The following MDGA2 variants were observed in gnomAD, a reference collection of about 807,000 sequenced individuals.
MDGA2 encodes MAM domain-containing glycosylphosphatidylinositol anchor protein 2.
A neutral mutation model predicts 117.8 loss-of-function variants in MDGA2; 40 were observed. The observed-to-expected ratio is 0.34, with a 90% confidence interval of 0.26 to 0.44. The LOEUF (loss-of-function observed/expected upper bound fraction) is 0.44, where lower values mean the gene tolerates loss of function less well. MDGA2 is among the 20% of genes least tolerant of loss of function. The pLI, the probability that MDGA2 is intolerant of heterozygous loss-of-function variation, is 1.00. For missense variants in MDGA2, 1,123 were observed against 1,250.6 expected (o/e 0.90, Z 1.54); for synonymous variants, 452 against 439.0 (o/e 1.03, Z -0.37).
At chr14:47,233,627 A>G (rs1886762259) in intron 2 of MDGA2, among the ~76,000 whole-genome samples, 1 of 152,148 alleles carries the variant, frequency 6.6e-6, no homozygotes, top group Non-Finnish European at 1.5e-5. Flanking sequence ...ATGAGGAATT[A>G]CTGGTCCTAA....
rs571020033 is a variant in MDGA2 at position 47,238,821 on chromosome 14, ACT to A, written c.421-20628_421-20627del. Among the ~76,000 whole-genome samples the A allele has an allele frequency of 1.9e-4, 29 of 151,804 alleles. 2 individuals are homozygous for A. The South Asian group carries it at 6.0e-3, about 32-fold the overall frequency. On this transcript the variant is annotated intron_variant, in intron 2 of 16. Coordinates refer to ENST00000399232, the MANE Select transcript of MDGA2 (RefSeq NM_001113498.3). ...AACAAAATAAAACAACCCAAAATACACTGTTTTTAGTAAAACTATGACTAATG... is the reference window on the plus strand; with the variant it reads ...AACAAAATAAAACAACCCAAAATACAGTTTTTAGTAAAACTATGACTAATG...
intron 9 of MDGA2, among the ~76,000 whole-genome samples, chr14:46,943,323 T>C (rs539438682): frequency 3.2e-4 from 48 of 152,126 alleles, no homozygotes; most frequent in African/African-American, 1.1e-3. Context: ...TTGTAGATAG[T>C]GCATTTTTTT....
At chr14:47,408,983 G>C (rs1446360606) in intron 1 of MDGA2, among the ~76,000 whole-genome samples, 1 of 152,172 alleles carries the variant, frequency 6.6e-6, no homozygotes, top group Admixed American at 6.5e-5. Flanking sequence ...AAGACTCCAA[G>C]GCAGACAGGC....
intron 1 of MDGA2, among the ~76,000 whole-genome samples, chr14:47,450,709 G>C (rs1893224234): frequency 1.3e-5 from 2 of 151,962 alleles, no homozygotes. Context: ...GGGGAAAAAA[G>C]TTGTATTAGT....
chr14:46,970,737 C>T (rs2138329674), intron 8 of MDGA2, among the ~76,000 whole-genome samples: 1 of 152,178 alleles, frequency 6.6e-6, no homozygotes, highest in Non-Finnish European at 1.5e-5. Flanking sequence ...GCAAGGGAAA[C>T]AACAGAATGA....
intron 1 of MDGA2, among the ~76,000 whole-genome samples, chr14:47,331,645 C>T (rs1038043798): frequency 6.6e-6 from 1 of 151,800 alleles, no homozygotes; most frequent in African/African-American, 2.4e-5. Context: ...GTCTGGAAAG[C>T]TACTTAGCAT....
chr14:46,990,871 CACACACA>C lies in MDGA2; in HGVS notation c.1820-33235_1820-33229del, dbSNP rs1473186489. Among the ~76,000 whole-genome samples the C allele has an allele frequency of 6.0e-4, 52 of 86,448 alleles. No individual in the cohort carries two copies. The East Asian group carries it at 0.016, about 27-fold the overall frequency. 56.7% of individuals were successfully genotyped at this position (86,448 alleles called of 152,430 possible). A position where few individuals can be genotyped will look rare whatever the true frequency, so the allele number is the denominator to read the frequency against. On this transcript the variant is annotated intron_variant, in intron 8 of 16. Transcript: ENST00000399232. ...GGATTAGAACACACACACACCCACA[CACACACA>C]CACACACACACACACACACACACCC...
chr14:47,292,416 G>A (rs533255700), intron 2 of MDGA2, among the ~76,000 whole-genome samples: 1 of 152,138 alleles, frequency 6.6e-6, no homozygotes, highest in South Asian at 2.1e-4. Flanking sequence ...GGGAGTCTGG[G>A]GAAATAACCG....
chr14:47,147,819 A>G (rs1883005560), intron 3 of MDGA2, among the ~76,000 whole-genome samples: 1 of 152,146 alleles, frequency 6.6e-6, no homozygotes. Context: ...GACTATATCC[A>G]TCATCTCCTT....
At chr14:47,346,597 T>C (rs1334309086) in intron 1 of MDGA2, among the ~76,000 whole-genome samples, 1 of 152,230 alleles carries the variant, frequency 6.6e-6, no homozygotes, top group Non-Finnish European at 1.5e-5. Context: ...GTTCTTAGTA[T>C]TGCATAACAT....
At chr14:47,062,771 A>C (rs1889937866) in intron 6 of MDGA2, among the ~76,000 whole-genome samples, 1 of 152,208 alleles carries the variant, frequency 6.6e-6, no homozygotes, top group Admixed American at 6.6e-5. Flanking sequence ...AAAACCAGTA[A>C]GCACTATAAA....
intron 14 of MDGA2, among the ~76,000 whole-genome samples, chr14:46,856,347 G>A (rs3007135): frequency 0.63 from 95,517 of 151,812 alleles, 30,785 homozygotes; most frequent in Admixed American, 0.74. Flanking sequence ...CTACTATAAT[G>A]TTAGTACTTG....
At position 46,919,749 on chromosome 14, in the gene MDGA2, T is replaced by G. The variant is rs147945157; in HGVS notation, c.2238+263A>C. On this transcript the variant is annotated intron_variant, in intron 10 of 16. Transcript: ENST00000399232. ...TCTCTTATCTAGTGATGAAGGATTT[T>G]AGAAGGCTCAAAGGCTGTCACTTTA... is the stretch of plus-strand genomic sequence containing the variant. 7.3e-4 allele frequency among the ~76,000 whole-genome samples: 111 copies of G among 152,318 alleles called. No individual in the cohort carries two copies. In the East Asian group the frequency reaches 0.015, roughly 20 times the overall value.
chr14:46,916,486 T>A (rs966900204), intron 10 of MDGA2, among the ~76,000 whole-genome samples: 11 of 152,292 alleles, frequency 7.2e-5, no homozygotes, highest in Non-Finnish European at 1.3e-4. Flanking sequence ...AGGAATTTTT[T>A]AAAAAAGAAC....
chr14:47,313,942 T>C (rs924763488), intron 1 of MDGA2, among the ~76,000 whole-genome samples: 1 of 152,140 alleles, frequency 6.6e-6, no homozygotes, highest in African/African-American at 2.4e-5. Flanking sequence ...ATAATATTTA[T>C]ATTGGGAGAA....
At position 47,066,460 on chromosome 14, in the gene MDGA2, GT is replaced by G. The variant is rs564144163; in HGVS notation, c.1196-4883del. ...ATGTCCTCAAGGATTCAGTGATTTT[GT>G]TGTGGGAACAGAATAACACTTGATG... On this transcript the variant is annotated intron_variant, in intron 6 of 16. Coordinates refer to ENST00000399232, the MANE Select transcript of MDGA2 (RefSeq NM_001113498.3). Among the ~76,000 whole-genome samples, 50 of 152,290 alleles carry G rather than the reference GT, an allele frequency of 3.3e-4. 2 individuals are homozygous for G. The South Asian group carries it at 9.7e-3, about 30-fold the overall frequency.
intron 2 of MDGA2, among the ~76,000 whole-genome samples, chr14:47,273,596 T>C (rs767370265): frequency 1.2e-4 from 18 of 152,174 alleles, no homozygotes; most frequent in Admixed American, 2.0e-4. Flanking sequence ...TAAATATTGA[T>C]TGTCTTCTCT....
chr14:47,578,861 T>A (rs1896175962), intron 1 of MDGA2, among the ~76,000 whole-genome samples: 1 of 152,146 alleles, frequency 6.6e-6, no homozygotes, highest in African/African-American at 2.4e-5. Context: ...TGTTATCCAG[T>A]TAGCTTGTTT....
chr14:46,959,056 C>G (rs1885677107), intron 8 of MDGA2, among the ~76,000 whole-genome samples: 1 of 152,080 alleles, frequency 6.6e-6, no homozygotes. Context: ...GTATGTTAAA[C>G]TCCTCTAAAA....
Sources: gnomAD v4.1 joint callset for allele counts (sites outside exome capture counted in the v4.1 genomes callset) on GRCh38, gnomAD v4.1.1 for gene constraint, MANE v1.5 for transcripts, NCBI Gene and HGNC (gene_info 2026-07-23, HGNC 2026-07-21) for gene names.